Variants in CYP2B6 observed in about 807,000 individuals in gnomAD.
CYP2B6 encodes cytochrome P450 2B6.
CYP2B6 carries 35 observed loss-of-function variants against 43.4 expected under a neutral mutation model. The ratio of observed to expected loss-of-function variants is 0.81; its 90% CI spans 0.62 to 1.07. CYP2B6 has a LOEUF of 1.07. Ranked by LOEUF, CYP2B6 falls within the 50% of genes least tolerant of loss-of-function variation. The probability of loss-of-function intolerance (pLI) is 0.00; values close to 1 mark genes in which losing one functional copy is unlikely to be tolerated. For synonymous variants in CYP2B6, 239 were observed against 239.2 expected, an observed-to-expected ratio of 1.00 and a Z score of 0.01; for missense variants, 624 against 632.8, an observed-to-expected ratio of 0.99 and a Z score of 0.15.
chr19:41,012,650 T>C (rs1163329315), intron 7 of CYP2B6, 24 bp from the exon 8 acceptor site: 2 of 1,613,690 alleles, frequency 1.2e-6, no homozygotes, highest in East Asian at 4.5e-5. Context: ...GGCAATATCT[T>C]TTGATCTTGT....
chr19:41,012,269 G>T (rs1418791183), intron 6 of CYP2B6, 29 bp from the exon 7 acceptor site: 2 of 1,611,120 alleles, frequency 1.2e-6, no homozygotes, highest in Non-Finnish European at 1.7e-6. Context: ...TCTTTAAAAT[G>T]AGATTCATTG....
intron 1 of CYP2B6, among the ~76,000 whole-genome samples, chr19:41,002,953 T>G (rs1969118661): frequency 6.6e-6 from 1 of 152,182 alleles, no homozygotes; most frequent in Admixed American, 6.5e-5. Flanking sequence ...TTGTCGCCTG[T>G]AGCTGTGGTT....
At chr19:41,007,843 C>G (rs1221836743) in intron 4 of CYP2B6, among the ~76,000 whole-genome samples, 1 of 152,050 alleles carries the variant, frequency 6.6e-6, no homozygotes, top group Non-Finnish European at 1.5e-5. Context: ...CCAGGCTGGT[C>G]TCTAACTCCT....
chr19:41,012,618 T>C (rs946856998), intron 7 of CYP2B6, 56 bp from the exon 8 acceptor site: 4 of 1,612,566 alleles, frequency 2.5e-6, no homozygotes, highest in Middle Eastern at 3.3e-4. Context: ...TTTTGTGGAG[T>C]GTGTGGAGGG....
chr19:41,012,359 C>G lies in CYP2B6; in HGVS notation c.1026C>G (p.Asp342Glu), dbSNP rs759734515. ...IGPHRPPELH[D>E]RAKMPYTEAV... ...CACATCGCCCTCCAGAGCTTCATGA[C>G]CGAGCCAAAATGCCATACACAGAGG... The change falls in exon 7 of 9, where the codon GAC becomes GAG. Residue 342 changes from aspartate (D) to glutamate (E), a missense_variant. Asp to Glu is a conservative substitution (Grantham distance 45). Transcript: ENST00000324071. 1 of 1,614,118 alleles carries G rather than the reference C, an allele frequency of 6.2e-7. No individual in the cohort carries two copies. The highest frequency in any genetic ancestry group is 8.5e-7 in the Non-Finnish European group (1 of 1,180,008).
chr19:41,012,313 A>T lies in CYP2B6; in HGVS notation c.980A>T (p.Glu327Val). 15 of 1,614,082 alleles carry T rather than the reference A, an allele frequency of 9.3e-6. No individual in the cohort carries two copies. Among genetic ancestry groups the T allele is most frequent in the Non-Finnish European group, 1.3e-5 (15 of 1,179,996 alleles). Residue 327 changes from glutamate (E) to valine (V), a missense_variant, in exon 7 of 9, where the codon GAG (glutamate) becomes GTG (valine). Glu to Val is a moderately radical substitution (Grantham distance 121). Transcript: ENST00000324071. ...YPHVAERVYR[E>V]IEQVIGPHRP... ...TTCTGTACAGAGAGAGTCTACAGGG[A>T]GATTGAACAGGTGATTGGCCCACAT...
chr19:40,997,228 C>T (rs1364096964), intron 1 of CYP2B6, among the ~76,000 whole-genome samples: 1 of 151,974 alleles, frequency 6.6e-6, no homozygotes, highest in African/African-American at 2.4e-5. Flanking sequence ...CAACAGTACA[C>T]ATAGTGCCCT....
At position 41,012,772 on chromosome 19, in the gene CYP2B6, T is replaced by A. The variant is rs1248271457; in HGVS notation, c.1251T>A (p.Asn417Lys). The A allele has an allele frequency of 1.9e-6, 3 of 1,614,158 alleles. No homozygotes were observed. The highest frequency in any genetic ancestry group is 2.7e-5 in the African/African-American group (2 of 75,032). Residue 417 changes from asparagine (N) to lysine (K), a missense_variant, in exon 8 of 9, where the codon AAT becomes AAA. By Grantham distance (94) the Asn-to-Lys change is moderately conservative. Transcript: ENST00000324071. ...ATCCTGACCACTTTCTGGATGCCAATGGGGCACTGAAAAAGACTGAAGCTT... is the reference window on the plus strand; with the variant it reads ...ATCCTGACCACTTTCTGGATGCCAAAGGGGCACTGAAAAAGACTGAAGCTT... ...AFNPDHFLDA[N>K]GALKKTEAFI...
chr19:40,992,544 G>A (rs886446746), intron 1 of CYP2B6, among the ~76,000 whole-genome samples: 2 of 151,774 alleles, frequency 1.3e-5, no homozygotes, highest in Non-Finnish European at 2.9e-5. Flanking sequence ...TCTGAGACAG[G>A]GCCTCACTCT....
rs1432771981 is a variant in CYP2B6 at position 41,005,411 on chromosome 19, G to A, written c.484+965G>A. Among the ~76,000 whole-genome samples the A allele has an allele frequency of 1.4e-4, 21 of 152,148 alleles. No individual in the cohort carries two copies. In the East Asian group the frequency reaches 3.7e-3, roughly 27 times the overall value. ...GACCCAGGAGCTATAGGGAAACGGG[G>A]ACAAGAAGACTGAAGAGAAGGACAG... On this transcript the variant is annotated intron_variant, in intron 3 of 8. Transcript: ENST00000324071.
chr19:40,997,655 G>C (rs1423419949), intron 1 of CYP2B6, among the ~76,000 whole-genome samples: 1 of 152,088 alleles, frequency 6.6e-6, no homozygotes, highest in African/African-American at 2.4e-5. Context: ...TTGGTTATCA[G>C]TTAGACACTG....
At chr19:40,997,923 G>A (rs932254914) in intron 1 of CYP2B6, among the ~76,000 whole-genome samples, 25 of 152,038 alleles carry the variant, frequency 1.6e-4, no homozygotes, top group African/African-American at 5.8e-4. Flanking sequence ...AACCAAACAA[G>A]ACCTGGCTCT....
At chr19:41,001,457 C>G (rs1488279451) in intron 1 of CYP2B6, among the ~76,000 whole-genome samples, 1 of 152,060 alleles carries the variant, frequency 6.6e-6, no homozygotes, top group African/African-American at 2.4e-5. Context: ...TTCTCCATTT[C>G]CCAATAAGCT....
chr19:41,014,368 C>T (rs569575791), intron 8 of CYP2B6, among the ~76,000 whole-genome samples: 3 of 151,324 alleles, frequency 2.0e-5, no homozygotes, highest in Non-Finnish European at 2.9e-5. Flanking sequence ...TGCAGTGTCA[C>T]GATCACAGCT....
Position 41,012,355 on chromosome 19 carries a change from A to G in CYP2B6, c.1022A>G (p.His341Arg), listed in dbSNP as rs553658831. Residue 341 changes from histidine (H) to arginine (R), a missense_variant, in exon 7 of 9, where the codon CAT (histidine) becomes CGT (arginine). Coordinates refer to ENST00000324071, the MANE Select transcript of CYP2B6 (RefSeq NM_000767.5). ...VIGPHRPPEL[H>R]DRAKMPYTEA... ...GGCCCACATCGCCCTCCAGAGCTTCATGACCGAGCCAAAATGCCATACACA... is the reference window on the plus strand; with the variant it reads ...GGCCCACATCGCCCTCCAGAGCTTCGTGACCGAGCCAAAATGCCATACACA... The G allele has an allele frequency of 6.0e-5, 97 of 1,614,142 alleles. No individual in the cohort carries two copies. Among genetic ancestry groups the G allele is most frequent in the Non-Finnish European group, 7.6e-5 (90 of 1,180,020 alleles).
intron 5 of CYP2B6, 23 bp from the exon 6 acceptor site, chr19:41,009,971 T>G (rs762459452): frequency 6.2e-7 from 1 of 1,613,904 alleles, no homozygotes; most frequent in South Asian, 1.1e-5. Context: ...GACCCTCCCC[T>G]TCCTTCCCTA....
At position 40,995,080 on chromosome 19, in the gene CYP2B6, C is replaced by T. The variant is rs560290839; in HGVS notation, c.171+3604C>T. ...GCTAGAGTATAAGCCTTTGCTAAAGCCATTCACAGATTATAGTCCTATGGA... is the reference window on the plus strand; with the variant it reads ...GCTAGAGTATAAGCCTTTGCTAAAGTCATTCACAGATTATAGTCCTATGGA... On this transcript the variant is annotated intron_variant, in intron 1 of 8. Coordinates refer to ENST00000324071, the MANE Select transcript of CYP2B6 (RefSeq NM_000767.5). Among the ~76,000 whole-genome samples the T allele has an allele frequency of 2.0e-5, 3 of 152,150 alleles. No homozygotes were observed. In the East Asian group the frequency reaches 5.8e-4, roughly 29 times the overall value.
chr19:40,999,039 C>T (rs2144662012), intron 1 of CYP2B6, among the ~76,000 whole-genome samples: 1 of 141,626 alleles, frequency 7.1e-6, no homozygotes, highest in Non-Finnish European at 1.5e-5. Flanking sequence ...ACAGTCCCAC[C>T]AACAGTGTAA....
intron 1 of CYP2B6, among the ~76,000 whole-genome samples, chr19:40,996,960 A>G (rs935824072): frequency 6.6e-6 from 1 of 152,096 alleles, no homozygotes; most frequent in Non-Finnish European, 1.5e-5. Flanking sequence ...GCACGGGGGC[A>G]CTGTCCTTGG....
Sources: allele counts gnomAD v4.1 joint callset (sites outside exome capture counted in the v4.1 genomes callset), GRCh38; gene constraint gnomAD v4.1.1; transcripts MANE v1.5; gene names NCBI Gene and HGNC (gene_info 2026-07-23, HGNC 2026-07-21).